The following DNAH8 variants were observed in gnomAD, a reference collection of about 807,000 sequenced individuals.
DNAH8 encodes the protein axonemal beta dynein heavy chain 8.
A neutral mutation model predicts 562.1 loss-of-function variants in DNAH8; 382 were observed. That is an observed-to-expected ratio of 0.68 (90% CI 0.63 to 0.74). The LOEUF (loss-of-function observed/expected upper bound fraction) is 0.74. Among genes scored for constraint, DNAH8 ranks in the 30% least tolerant of loss-of-function variants. The probability of loss-of-function intolerance (pLI) is 0.00; values close to 1 mark genes in which losing one functional copy is unlikely to be tolerated. For synonymous variants in DNAH8, 1,881 were observed against 1,919.4 expected, an observed-to-expected ratio of 0.98 and a Z score of 0.52; for missense variants, 5,203 against 5,620.4, an observed-to-expected ratio of 0.93 and a Z score of 2.37.
At chr6:38,774,063 T>C (rs546696788) in intron 12 of DNAH8, among the ~76,000 whole-genome samples, 5 of 152,220 alleles carry the variant, frequency 3.3e-5, no homozygotes, top group African/African-American at 1.2e-4. Flanking sequence ...ATGGCAGGTA[T>C]AGACTTGATG....
chr6:38,783,224 C>T, intron 17 of DNAH8, 85 bp downstream of exon 17: 1 of 1,214,652 alleles, frequency 8.2e-7, no homozygotes, highest in Non-Finnish European at 1.2e-6. Flanking sequence ...TTTTTCCATC[C>T]CTTCCACATA....
intron 77 of DNAH8, among the ~76,000 whole-genome samples, chr6:38,936,827 C>G (rs1009667164): frequency 6.6e-6 from 1 of 152,176 alleles, no homozygotes; most frequent in South Asian, 2.1e-4. Context: ...GTTGGAGTAA[C>G]ACAGCCCTTC....
rs557517050 is a variant in DNAH8, at chr6:38,945,483, C to A, written c.12024C>A (p.Asp4008Glu). 2 of 1,614,132 alleles carry A rather than the reference C, an allele frequency of 1.2e-6. No homozygotes were observed. Among genetic ancestry groups the A allele is most frequent in the East Asian group, 2.2e-5 (1 of 44,880 alleles). Residue 4008 changes from aspartate (D) to glutamate (E), a missense_variant, in exon 80 of 93, where the codon GAC becomes GAA. By Grantham distance (45) the Asp-to-Glu change is conservative. Around this residue, in one of 6 missense-constraint regions of DNAH8, gnomAD observed 1,399 missense variants for 1,518.4 expected, o/e 0.92. Coordinates refer to ENST00000327475, the MANE Select transcript of DNAH8 (RefSeq NM_001206927.2). Reference sequence around the variant, plus strand: ...CTTCCCCAGGGGGAGCAGCTCTGGACCTGAAAGCCTGTCCTCCCAAACCCT... The same window carrying A: ...CTTCCCCAGGGGGAGCAGCTCTGGAACTGAAAGCCTGTCCTCCCAAACCCT... ...QALIKGGAAL[D>E]LKACPPKPYR...
chr6:38,815,690 G>A (rs1250280372), intron 26 of DNAH8, 33 bp downstream of exon 26: 1 of 1,553,672 alleles, frequency 6.4e-7, no homozygotes, highest in Non-Finnish European at 8.8e-7. Flanking sequence ...TGATCTTACT[G>A]ATCCTTTTTG....
Position 38,857,553 on chromosome 6 carries a change from C to T in DNAH8, c.5769C>T (p.His1923=), listed in dbSNP as rs2061907. ...GLLGIQMLWT[H]DSEEALRNAK... is the part of the protein sequence containing the mutation. The stretch of plus-strand genomic sequence containing the variant: ...TGGGAATTCAGATGTTGTGGACACA[C>T]GATTCAGAAGAGGCTTTACGTAATG... Residue 1923 remains histidine (H), a synonymous_variant, in exon 42 of 93, where the codon CAC becomes CAT. Transcript: ENST00000327475. The T allele has an allele frequency of 0.44, 701,170 of 1,610,598 alleles. 156,602 individuals are homozygous for T. The highest frequency in any genetic ancestry group is 0.69 in the East Asian group (30,898 of 44,792).
chr6:38,750,523 C>T lies in DNAH8; in HGVS notation c.1341C>T (p.Ser447=). The T allele has an allele frequency of 6.2e-7, 1 of 1,610,600 alleles. No homozygotes were observed. Among genetic ancestry groups the T allele is most frequent in the Non-Finnish European group, 8.5e-7 (1 of 1,178,286 alleles). ...GAATCACTGATACAGCAAATGAATCCAAAGATAATGTCAGATATTTGTATA... is the reference window on the plus strand; with the variant it reads ...GAATCACTGATACAGCAAATGAATCTAAAGATAATGTCAGATATTTGTATA... ...DARITDTANE[S]KDNVRYLYTL... is the part of the protein sequence containing the mutation. Residue 447 remains serine (S), a synonymous_variant, in exon 9 of 93, where the codon TCC becomes TCT. Coordinates refer to ENST00000327475, the MANE Select transcript of DNAH8 (RefSeq NM_001206927.2).
Position 38,988,280 on chromosome 6 carries a change from C to G in DNAH8, c.13054-1732C>G, listed in dbSNP as rs1764540173. Among the ~76,000 whole-genome samples the G allele has an allele frequency of 2.6e-5, 4 of 152,210 alleles. No individual in the cohort carries two copies. In the South Asian group the frequency reaches 8.3e-4, roughly 32 times the overall value. ...GTAGATTTCATATTTCATATTTTGA[C>G]TTTGCCCCCAAATAGCCTCCAAATT... On this transcript the variant is annotated intron_variant, in intron 87 of 92. Coordinates refer to ENST00000327475, the MANE Select transcript of DNAH8 (RefSeq NM_001206927.2).
chr6:38,805,664 T>C (rs1771207451), intron 23 of DNAH8, 68 bp downstream of exon 23: 2 of 842,388 alleles, frequency 2.4e-6, no homozygotes, highest in African/African-American at 3.4e-5. Context: ...GATAACCCCA[T>C]ATGGTGCTTT....
In DNAH8 at chr6:38,886,951, T is replaced by C. The variant is rs1478614446; in HGVS notation, c.8420T>C (p.Phe2807Ser). The change falls in exon 57 of 93, where the codon TTT becomes TCT. Residue 2807 changes from phenylalanine (F) to serine (S), a missense_variant. Physicochemically the swap from Phe to Ser is radical, Grantham distance 155. This residue lies in a region of DNAH8 where 977 missense variants were observed against 1,061.8 expected (regional missense o/e 0.92). Coordinates refer to ENST00000327475, the MANE Select transcript of DNAH8 (RefSeq NM_001206927.2). ...NDIPQRLKRQFTVFNCTLPSN... is the reference protein window; with the variant it reads ...NDIPQRLKRQSTVFNCTLPSN... ...ATTCCACAACGTTTAAAAAGACAAT[T>C]TACTGTGTTTAATTGTACATTGCCT... 7 of 1,613,880 alleles carry C rather than the reference T, an allele frequency of 4.3e-6. No homozygotes were observed. In the Admixed American group the frequency reaches 1.2e-4, roughly 27 times the overall value.
chr6:39,027,519 A>G (rs1767376056), intron 92 of DNAH8, among the ~76,000 whole-genome samples: 1 of 152,178 alleles, frequency 6.6e-6, no homozygotes, highest in Non-Finnish European at 1.5e-5. Flanking sequence ...AATGAGCATG[A>G]TAATTCAACC....
At chr6:38,990,944 T>C (rs1764743654) in intron 88 of DNAH8, among the ~76,000 whole-genome samples, 1 of 152,162 alleles carries the variant, frequency 6.6e-6, no homozygotes, top group South Asian at 2.1e-4. Context: ...TTCAGGAAAA[T>C]GGTTTCAGGA....
At chr6:38,916,709 C>G (rs1240060816) in intron 68 of DNAH8, among the ~76,000 whole-genome samples, 2 of 152,174 alleles carry the variant, frequency 1.3e-5, no homozygotes, top group Non-Finnish European at 2.9e-5. Flanking sequence ...TCTCCCAGTC[C>G]TTGCCTTGAT....
At chr6:38,999,963 G>T (rs1481272638) in intron 88 of DNAH8, among the ~76,000 whole-genome samples, 1 of 146,934 alleles carries the variant, frequency 6.8e-6, no homozygotes, top group Non-Finnish European at 1.5e-5. Flanking sequence ...ATTGAAAGGT[G>T]CCAGGAAATA....
chr6:38,760,704 C>T (rs1766410017), intron 10 of DNAH8, among the ~76,000 whole-genome samples: 1 of 151,980 alleles, frequency 6.6e-6, no homozygotes, highest in Admixed American at 6.6e-5. Flanking sequence ...GGTTTGGTGC[C>T]CTCCTTGTGG....
chr6:38,801,415 C>T (rs1030983988), intron 21 of DNAH8, among the ~76,000 whole-genome samples: 4 of 152,076 alleles, frequency 2.6e-5, no homozygotes, highest in African/African-American at 4.8e-5. Context: ...GTTATTTTGT[C>T]GAGGTTTCTG....
chr6:38,896,291 AC>A, intron 60 of DNAH8, 66 bp downstream of exon 60: 1 of 1,302,624 alleles, frequency 7.7e-7, no homozygotes, highest in Non-Finnish European at 1.1e-6. Flanking sequence ...TTCTCTCTGC[AC>A]CAGAGTCCTA....
chr6:38,814,858 A>G (rs1474910038), intron 25 of DNAH8, among the ~76,000 whole-genome samples: 2 of 152,156 alleles, frequency 1.3e-5, no homozygotes, highest in South Asian at 4.1e-4. Flanking sequence ...GTGTCTTCCC[A>G]TGGCACTTAT....
intron 24 of DNAH8, among the ~76,000 whole-genome samples, chr6:38,812,128 A>G (rs1478381205): frequency 2.6e-5 from 4 of 152,094 alleles, no homozygotes; most frequent in African/African-American, 7.2e-5. Flanking sequence ...AGGCTGGCCG[A>G]GGCCCCATCC....
At chr6:38,983,781 G>A (rs1019921511) in intron 86 of DNAH8, among the ~76,000 whole-genome samples, 59 of 152,248 alleles carry the variant, frequency 3.9e-4, no homozygotes, top group Middle Eastern at 3.4e-3. Context: ...TTTTCTTGTT[G>A]TTCTCGTAAT....
Sources: allele counts gnomAD v4.1 joint callset (sites outside exome capture counted in the v4.1 genomes callset), GRCh38; gene constraint gnomAD v4.1.1; regional missense constraint gnomAD v4.1.1; transcripts MANE v1.5; gene names NCBI Gene and HGNC (gene_info 2026-07-23, HGNC 2026-07-21).